Variants in BAIAP2 observed in about 807,000 individuals in gnomAD.
BAIAP2 encodes BAR/IMD domain containing adaptor protein 2.
Under a neutral mutation model 63.0 loss-of-function variants are expected in BAIAP2, and 18 were observed. The ratio of observed to expected loss-of-function variants is 0.29; its 90% CI spans 0.20 to 0.42. BAIAP2 has a LOEUF of 0.42. Among genes scored for constraint, BAIAP2 ranks in the 10% least tolerant of loss-of-function variants. The pLI, the probability that BAIAP2 is intolerant of heterozygous loss-of-function variation, is 1.00. For missense variants in BAIAP2, 610 were observed against 734.3 expected, an observed-to-expected ratio of 0.83 and a Z score of 1.96; for synonymous variants, 386 against 307.6, an observed-to-expected ratio of 1.25 and a Z score of -2.67.
intron 1 of BAIAP2, among the ~76,000 whole-genome samples, chr17:81,043,279 G>C (rs1047394483): frequency 6.6e-6 from 1 of 152,220 alleles, no homozygotes; most frequent in Non-Finnish European, 1.5e-5. Context: ...TTCCGTGGCC[G>C]ACTATGTCTG....
chr17:81,038,900 T>A lies in BAIAP2; in HGVS notation c.54+3592T>A, dbSNP rs8074905. ...CTGGCATTGGAGTCGCCTTCCTGGGTGGGGGGGGCAGCAGACCCGGCACCT... is the reference window on the plus strand; with the variant it reads ...CTGGCATTGGAGTCGCCTTCCTGGGAGGGGGGGGCAGCAGACCCGGCACCT... On this transcript the variant is annotated intron_variant, in intron 1 of 13. Coordinates refer to ENST00000428708, the MANE Select transcript of BAIAP2 (RefSeq NM_001144888.2). 1.7e-3 allele frequency among the ~76,000 whole-genome samples: 13 copies of A among 7,872 alleles called. No homozygotes were observed. The East Asian group carries it at 0.086, about 52-fold the overall frequency. The allele number at this position is 7,872 out of a possible 152,430, so 5.2% of individuals were successfully genotyped here. A position where few individuals can be genotyped will look rare whatever the true frequency, so the allele number is the denominator to read the frequency against.
At position 81,115,974 on chromosome 17, in the gene BAIAP2, G is replaced by C; in HGVS notation, c.*135G>C. The C allele has an allele frequency of 6.7e-7, 1 of 1,500,168 alleles. No individual in the cohort carries two copies. 92.9% of individuals were successfully genotyped at this position (1,500,168 alleles called of 1,614,324 possible). ...GCCTGGTCTTGCCCCACTTGAGTCT[G>C]GCCTGGACTGGATCCCAGCTGTTCT... On this transcript the variant is annotated 3_prime_UTR_variant, in exon 14 of 14. Coordinates refer to ENST00000428708, the MANE Select transcript of BAIAP2 (RefSeq NM_001144888.2).
chr17:81,048,084 AGGGATAAACAGAATTCCTGGCC>A (rs2048099595), intron 1 of BAIAP2, among the ~76,000 whole-genome samples: 1 of 152,232 alleles, frequency 6.6e-6, no homozygotes, highest in Non-Finnish European at 1.5e-5. Flanking sequence ...AGGAGAGCCA[AGGGATAAACAGAATTCCTGGCC>A]GGGAGCAGTG....
intron 6 of BAIAP2, among the ~76,000 whole-genome samples, chr17:81,094,995 G>A (rs1477591304): frequency 1.3e-5 from 2 of 152,254 alleles, no homozygotes; most frequent in Non-Finnish European, 2.9e-5. Context: ...CCCCCACTCT[G>A]AGTCACCGCA....
chr17:81,091,511 G>T (rs926645885), intron 6 of BAIAP2, among the ~76,000 whole-genome samples: 1 of 152,150 alleles, frequency 6.6e-6, no homozygotes, highest in Admixed American at 6.5e-5. Context: ...GGACCTGCCT[G>T]CCCCCAGCTC....
At chr17:81,048,813 A>C (rs543210712) in intron 1 of BAIAP2, among the ~76,000 whole-genome samples, 67 of 152,140 alleles carry the variant, frequency 4.4e-4, no homozygotes, top group South Asian at 2.3e-3. Context: ...GGCCACTGGG[A>C]CATCCGTCTC....
chr17:81,040,507 C>T (rs867504332), intron 1 of BAIAP2, among the ~76,000 whole-genome samples: 2 of 152,246 alleles, frequency 1.3e-5, no homozygotes, highest in Non-Finnish European at 2.9e-5. Context: ...AGAAGGGACC[C>T]GTTTGGCTCT....
chr17:81,055,569 G>GTTCTGT (rs2049354565), intron 2 of BAIAP2, among the ~76,000 whole-genome samples: 1 of 94,190 alleles, frequency 1.1e-5, no homozygotes, highest in East Asian at 3.4e-4. Flanking sequence ...TCTGCAGGGT[G>GTTCTGT]TTTTGTTTTT....
intron 6 of BAIAP2, among the ~76,000 whole-genome samples, chr17:81,088,880 TG>T (rs1446688777): frequency 6.6e-6 from 1 of 152,198 alleles, no homozygotes; most frequent in Non-Finnish European, 1.5e-5. Flanking sequence ...AGGCAGAGGC[TG>T]GGGGCTGTCG....
At chr17:81,098,589 C>G (rs945071660) in intron 6 of BAIAP2, among the ~76,000 whole-genome samples, 7 of 152,194 alleles carry the variant, frequency 4.6e-5, no homozygotes, top group African/African-American at 1.7e-4. Flanking sequence ...CTCTTAGTAC[C>G]CTCCGTCCTG....
At chr17:81,113,620 G>A (rs1323074436) in intron 13 of BAIAP2, among the ~76,000 whole-genome samples, 7 of 142,556 alleles carry the variant, frequency 4.9e-5, no homozygotes, top group Non-Finnish European at 7.7e-5. Context: ...CATCCCCGCC[G>A]ACCCCCCTGC....
intron 13 of BAIAP2, among the ~76,000 whole-genome samples, chr17:81,113,514 G>C (rs868327286): frequency 9.5e-4 from 144 of 152,302 alleles, no homozygotes; most frequent in African/African-American, 3.0e-3. Flanking sequence ...CCAGACAGCT[G>C]GGGGGTGGGG....
At chr17:81,053,767 G>C (rs368138908) in intron 2 of BAIAP2, 24 bp downstream of exon 2, 1 of 1,607,110 alleles carries the variant, frequency 6.2e-7, no homozygotes, top group Non-Finnish European at 8.5e-7. Context: ...CGGGCCCCGT[G>C]GGGTGGGAGC....
chr17:81,045,130 G>A (rs567203427), intron 1 of BAIAP2, among the ~76,000 whole-genome samples: 6 of 152,348 alleles, frequency 3.9e-5, no homozygotes, highest in African/African-American at 9.6e-5. Flanking sequence ...AAGGCCCCAC[G>A]TGTGGCTTTT....
chr17:81,071,496 C>T (rs2052652020), intron 3 of BAIAP2, among the ~76,000 whole-genome samples: 2 of 152,234 alleles, frequency 1.3e-5, no homozygotes, highest in East Asian at 3.8e-4. Flanking sequence ...TGCATGCTCA[C>T]AGCCAGCTTG....
intron 3 of BAIAP2, among the ~76,000 whole-genome samples, chr17:81,080,758 T>A (rs1032050533): frequency 2.0e-5 from 3 of 152,104 alleles, no homozygotes; most frequent in Non-Finnish European, 4.4e-5. Context: ...GCTGCATGCC[T>A]TTGCTCCCAG....
intron 2 of BAIAP2, among the ~76,000 whole-genome samples, chr17:81,056,949 C>G (rs899551158): frequency 1.4e-4 from 19 of 138,798 alleles, no homozygotes; most frequent in Non-Finnish European, 1.1e-4. Flanking sequence ...TTCTTTTGTT[C>G]GAGGCAGCAC....
chr17:81,060,561 C>G (rs2050370070), intron 3 of BAIAP2, among the ~76,000 whole-genome samples: 1 of 152,218 alleles, frequency 6.6e-6, no homozygotes, highest in African/African-American at 2.4e-5. Flanking sequence ...ATCCATTGCA[C>G]AGGCAGACCC....
intron 1 of BAIAP2, among the ~76,000 whole-genome samples, chr17:81,048,358 A>C (rs1281334137): frequency 8.1e-4 from 4 of 4,942 alleles, no homozygotes; most frequent in Middle Eastern, 0.12. Context: ...CTCTGTCTCA[A>C]AAAAAAAAAA....
Sources: gnomAD v4.1 joint callset for allele counts (sites outside exome capture counted in the v4.1 genomes callset) on GRCh38, gnomAD v4.1.1 for gene constraint, MANE v1.5 for transcripts, NCBI Gene and HGNC (gene_info 2026-07-23, HGNC 2026-07-21) for gene names.